PPM1L: variants seen among roughly 807,000 people sequenced by gnomAD.
PPM1L encodes protein phosphatase 1L.
In PPM1L, 13 loss-of-function variants were observed where a neutral mutation model predicts 31.4. That is an observed-to-expected ratio of 0.41 (90% CI 0.27 to 0.66). The LOEUF (loss-of-function observed/expected upper bound fraction) is 0.66, where lower values mean the gene tolerates loss of function less well. Ranked by LOEUF, PPM1L falls within the 30% of genes least tolerant of loss-of-function variation. The probability of loss-of-function intolerance (pLI) is 0.29; values close to 1 mark genes in which losing one functional copy is unlikely to be tolerated. For synonymous variants in PPM1L, 184 were observed against 175.4 expected (o/e 1.05, Z -0.39); for missense variants, 326 against 453.7 (o/e 0.72, Z 2.56).
At position 161,005,594 on chromosome 3, in the gene PPM1L, A is replaced by G. The variant is rs370823989; in HGVS notation, c.574+43684A>G. ...GTTTAAATTCTGGCTATCACTTACC[A>G]CATGATCTCGGGCATGTTATTCAGT... On this transcript the variant is annotated intron_variant, in intron 2 of 3. Coordinates refer to ENST00000498165, the MANE Select transcript of PPM1L (RefSeq NM_139245.4). 2.5e-3 allele frequency among the ~76,000 whole-genome samples: 381 copies of G among 152,266 alleles called. 1 individual carries two copies. Among genetic ancestry groups the G allele is most frequent in the Admixed American group, 3.7e-3 (57 of 15,274 alleles).
rs745978148 is a variant in PPM1L at position 160,771,543 on chromosome 3, CTTTTTTTTTTTT to C, written c.399+14852_399+14863del. ...TAGTCACGAGCCACCAAGGCTGGCTCTTTTTTTTTTTTTTTTTTTTTTTTTTTAAAAAGAGCA... is the reference window on the plus strand; with the variant it reads ...TAGTCACGAGCCACCAAGGCTGGCTCTTTTTTTTTTTTTTTAAAAAGAGCA... On this transcript the variant is annotated intron_variant, in intron 1 of 3. Transcript: ENST00000498165. Among the ~76,000 whole-genome samples, 169 of 77,386 alleles carry C rather than the reference CTTTTTTTTTTTT, an allele frequency of 2.2e-3. 1 individual carries two copies. The highest frequency in any genetic ancestry group is 7.5e-3 in the African/African-American group (162 of 21,596). 50.8% of individuals were successfully genotyped at this position (77,386 alleles called of 152,430 possible).
At chr3:160,939,375 T>C (rs1715085857) in intron 1 of PPM1L, among the ~76,000 whole-genome samples, 1 of 152,182 alleles carries the variant, frequency 6.6e-6, no homozygotes, top group Non-Finnish European at 1.5e-5. Flanking sequence ...CCCAGCCCAT[T>C]ATTCTGCTCC....
At chr3:160,928,415 A>G (rs1042729219) in intron 1 of PPM1L, among the ~76,000 whole-genome samples, 1 of 152,048 alleles carries the variant, frequency 6.6e-6, no homozygotes, top group Admixed American at 6.5e-5. Flanking sequence ...GGCCAACTAG[A>G]GTCTTCCTGT....
At position 161,069,432 on chromosome 3, in the gene PPM1L, G is replaced by C. The variant is rs1719843863; in HGVS notation, c.*275G>C. 1.2e-4 allele frequency: 52 copies of C among 443,758 alleles called. No homozygotes were observed. The East Asian group carries it at 2.1e-3, about 18-fold the overall frequency. The allele number at this position is 443,758 out of a possible 1,614,324, so 27.5% of individuals were successfully genotyped here. A position where few individuals can be genotyped will look rare whatever the true frequency, so the allele number is the denominator to read the frequency against. On this transcript the variant is annotated 3_prime_UTR_variant, in exon 4 of 4. Coordinates refer to ENST00000498165, the MANE Select transcript of PPM1L (RefSeq NM_139245.4). The stretch of plus-strand genomic sequence containing the variant: ...TAAATAGCTGTAGAGTCACATATAT[G>C]AAGTGAATAGCATATGTGTCATTTA...
intron 1 of PPM1L, among the ~76,000 whole-genome samples, chr3:160,854,434 A>T (rs1168738550): frequency 2.0e-5 from 3 of 152,158 alleles, no homozygotes; most frequent in African/African-American, 7.2e-5. Flanking sequence ...GGAACAGTGA[A>T]GGATAAGGGT....
intron 2 of PPM1L, among the ~76,000 whole-genome samples, chr3:161,001,736 A>C (rs1717489584): frequency 6.6e-6 from 1 of 152,118 alleles, no homozygotes; most frequent in Non-Finnish European, 1.5e-5. Context: ...CCATCCTATT[A>C]GGATTAGGAT....
intron 1 of PPM1L, among the ~76,000 whole-genome samples, chr3:160,916,772 G>A (rs190794234): frequency 2.0e-5 from 3 of 151,820 alleles, no homozygotes; most frequent in Non-Finnish European, 4.4e-5. Context: ...CCATTTCTAG[G>A]TATCAGAAAG....
At chr3:160,804,485 C>G (rs999109151) in intron 1 of PPM1L, among the ~76,000 whole-genome samples, 3 of 151,896 alleles carry the variant, frequency 2.0e-5, no homozygotes, top group Non-Finnish European at 4.4e-5. Flanking sequence ...TTGAGAAAAC[C>G]TGAAGAAAAA....
intron 1 of PPM1L, among the ~76,000 whole-genome samples, chr3:160,875,866 C>G (rs1394516507): frequency 6.6e-6 from 1 of 152,180 alleles, no homozygotes; most frequent in Non-Finnish European, 1.5e-5. Flanking sequence ...AGCATTTTAT[C>G]TCCTACCTTC....
Position 160,849,355 on chromosome 3 carries a change from C to T in PPM1L, c.399+92648C>T, listed in dbSNP as rs561629711. Among the ~76,000 whole-genome samples, 4 of 152,290 alleles carry T rather than the reference C, an allele frequency of 2.6e-5. No individual in the cohort carries two copies. The East Asian group carries it at 7.7e-4, about 29-fold the overall frequency. ...TTCAGCATTCCCTGCATCCAAGTAG[C>T]AGTCAGAGGACTCTGGCATGGCCAG... On this transcript the variant is annotated intron_variant, in intron 1 of 3. Coordinates refer to ENST00000498165, the MANE Select transcript of PPM1L (RefSeq NM_139245.4).
intron 2 of PPM1L, among the ~76,000 whole-genome samples, chr3:161,038,194 G>T (rs370294286): frequency 7.1e-6 from 1 of 139,984 alleles, no homozygotes; most frequent in Non-Finnish European, 1.5e-5. Flanking sequence ...AGATCCCGCC[G>T]CTGCACTCCA....
At chr3:160,790,837 A>G (rs1041802911) in intron 1 of PPM1L, among the ~76,000 whole-genome samples, 2 of 152,082 alleles carry the variant, frequency 1.3e-5, no homozygotes, top group South Asian at 2.1e-4. Flanking sequence ...AACAATTTTC[A>G]TATTTTCTCA....
intron 1 of PPM1L, among the ~76,000 whole-genome samples, chr3:160,760,950 G>A (rs1288224828): frequency 6.6e-6 from 1 of 152,170 alleles, no homozygotes; most frequent in African/African-American, 2.4e-5. Context: ...CATACTTCAA[G>A]CGCTTGCCAG....
chr3:160,786,127 TTCTCTCTCTCTCTCTC>T (rs147384969), intron 1 of PPM1L, among the ~76,000 whole-genome samples: 1 of 103,980 alleles, frequency 9.6e-6, no homozygotes, highest in Non-Finnish European at 1.7e-5. Context: ...AATCTCATTT[TTCTCTCTCTCTCTCTC>T]TCTCTCTCTC....
chr3:160,918,574 A>G (rs893845567), intron 1 of PPM1L, among the ~76,000 whole-genome samples: 2 of 152,372 alleles, frequency 1.3e-5, no homozygotes, highest in African/African-American at 2.4e-5. Context: ...CTAGCATAAT[A>G]AAGAAGTTAT....
intron 2 of PPM1L, among the ~76,000 whole-genome samples, chr3:161,036,363 T>C (rs1718741283): frequency 6.6e-6 from 1 of 152,212 alleles, no homozygotes; most frequent in South Asian, 2.1e-4. Context: ...TCAAATCCCA[T>C]CTTCTCTTCT....
chr3:161,051,265 G>A (rs991433641), intron 2 of PPM1L, among the ~76,000 whole-genome samples: 3 of 152,016 alleles, frequency 2.0e-5, no homozygotes, highest in Non-Finnish European at 2.9e-5. Flanking sequence ...AGTGCCTTGC[G>A]GGTAAGGACT....
At chr3:161,008,658 AAT>A (rs1717791168) in intron 2 of PPM1L, among the ~76,000 whole-genome samples, 1 of 152,112 alleles carries the variant, frequency 6.6e-6, no homozygotes, top group Admixed American at 6.6e-5. Context: ...GGAGATTTCT[AAT>A]AGATTGGATG....
rs1713018952 is a variant in PPM1L at position 160,817,057 on chromosome 3, A to C, written c.399+60350A>C. 2.6e-5 allele frequency among the ~76,000 whole-genome samples: 4 copies of C among 152,108 alleles called. No homozygotes were observed. The South Asian group carries it at 8.3e-4, about 31-fold the overall frequency. On this transcript the variant is annotated intron_variant, in intron 1 of 3. Coordinates refer to ENST00000498165, the MANE Select transcript of PPM1L (RefSeq NM_139245.4). The stretch of plus-strand genomic sequence containing the variant: ...TAAGAAAGTGGTAGAAAAGAAGAAA[A>C]GTTACAAGGAGGAAAACATGTGGAG...
Sources: gnomAD v4.1 joint callset for allele counts (sites outside exome capture counted in the v4.1 genomes callset) on GRCh38, gnomAD v4.1.1 for gene constraint, MANE v1.5 for transcripts, NCBI Gene and HGNC (gene_info 2026-07-23, HGNC 2026-07-21) for gene names.